The following MYO10 variants were observed in gnomAD, a reference collection of about 807,000 sequenced individuals.
MYO10 encodes myosin X.
Under a neutral mutation model 257.3 loss-of-function variants are expected in MYO10, and 133 were observed. That is an observed-to-expected ratio of 0.52 (90% CI 0.45 to 0.60). MYO10 has a LOEUF of 0.60. Among genes scored for constraint, MYO10 ranks in the 20% least tolerant of loss-of-function variants. The pLI is 0.00. For synonymous variants in MYO10, 1,104 were observed against 1,028.6 expected, an observed-to-expected ratio of 1.07 and a Z score of -1.40; for missense variants, 2,399 against 2,635.7, an observed-to-expected ratio of 0.91 and a Z score of 1.97.
intron 1 of MYO10, among the ~76,000 whole-genome samples, chr5:16,931,279 T>C (rs1253480329): frequency 6.6e-6 from 1 of 151,636 alleles, no homozygotes; most frequent in African/African-American, 2.4e-5. Flanking sequence ...CTCAAAACAA[T>C]AATAATAATA....
At chr5:16,842,328 C>T (rs1467092253) in intron 2 of MYO10, among the ~76,000 whole-genome samples, 1 of 152,118 alleles carries the variant, frequency 6.6e-6, no homozygotes, top group African/African-American at 2.4e-5. Context: ...AGAAGAGGTA[C>T]TGAGAGCCAG....
intron 19 of MYO10, among the ~76,000 whole-genome samples, chr5:16,720,264 G>T (rs886532132): frequency 6.6e-6 from 1 of 152,010 alleles, no homozygotes; most frequent in South Asian, 2.1e-4. Context: ...GCATCACACC[G>T]ACAGTAAGTC....
Position 16,866,249 on chromosome 5 carries a change from G to A in MYO10, c.120+11360C>T, listed in dbSNP as rs1463563141. 4.6e-5 allele frequency among the ~76,000 whole-genome samples: 7 copies of A among 152,152 alleles called. No individual in the cohort carries two copies. The East Asian group carries it at 1.3e-3, about 29-fold the overall frequency. On this transcript the variant is annotated intron_variant, in intron 2 of 40. Coordinates refer to ENST00000513610, the MANE Select transcript of MYO10 (RefSeq NM_012334.3). The stretch of plus-strand genomic sequence containing the variant: ...CTGTGAGCAAATGCACATACGCAAC[G>A]GCACCAGCGTTAAAGCTGGCAGACT...
intron 19 of MYO10, chr5:16,738,502 C>T: frequency 1.5e-6 from 1 of 669,098 alleles, no homozygotes; most frequent in Non-Finnish European, 1.8e-6. Flanking sequence ...TTCCTATTCG[C>T]CCTCACTTCT....
chr5:16,817,020 A>G (rs1408217156), intron 3 of MYO10, among the ~76,000 whole-genome samples: 1 of 149,948 alleles, frequency 6.7e-6, no homozygotes, highest in African/African-American at 2.5e-5. Flanking sequence ...GGATTTCACC[A>G]TGTTCGTCAG....
chr5:16,935,574 C>G (rs562819157), intron 1 of MYO10, among the ~76,000 whole-genome samples: 1 of 152,044 alleles, frequency 6.6e-6, no homozygotes, highest in Non-Finnish European at 1.5e-5. Context: ...CGCTACCTCC[C>G]GGAGCAAAAT....
chr5:16,802,482 C>T, intron 3 of MYO10, among the ~76,000 whole-genome samples: 1 of 150,794 alleles, frequency 6.6e-6, no homozygotes, highest in Non-Finnish European at 1.5e-5. Flanking sequence ...CAGGGTGAAA[C>T]CCCGTCTCTA....
At chr5:16,882,900 TATCAA>T (rs2126766499) in intron 1 of MYO10, among the ~76,000 whole-genome samples, 1 of 140,630 alleles carries the variant, frequency 7.1e-6, no homozygotes, top group Non-Finnish European at 1.5e-5. Flanking sequence ...AACTCAATAA[TATCAA>T]ATCATTTTTA....
chr5:16,887,634 G>T (rs1744930485), intron 1 of MYO10, among the ~76,000 whole-genome samples: 1 of 152,058 alleles, frequency 6.6e-6, no homozygotes, highest in African/African-American at 2.4e-5. Context: ...GGGGCTACAG[G>T]TGCGCACCAC....
chr5:16,862,745 G>T (rs1173730137), intron 2 of MYO10, among the ~76,000 whole-genome samples: 1 of 152,120 alleles, frequency 6.6e-6, no homozygotes, highest in African/African-American at 2.4e-5. Flanking sequence ...AAAAATACAA[G>T]ACAGTAGCCC....
intron 2 of MYO10, among the ~76,000 whole-genome samples, chr5:16,867,260 C>T (rs181039453): frequency 3.4e-4 from 52 of 152,306 alleles, no homozygotes; most frequent in Non-Finnish European, 6.2e-4. Flanking sequence ...CCCAATTCTT[C>T]CTAATAATTC....
Position 16,818,396 on chromosome 5 carries a change from G to GTATA in MYO10, c.121-230_121-229insTATA, listed in dbSNP as rs1329747245. ...TGTGTGTGTGCGTGTGTGTGTGTGT[G>GTATA]TGTGTGTGTGTGTGTATATATATAT... is the stretch of plus-strand genomic sequence containing the variant. On this transcript the variant is annotated intron_variant, in intron 2 of 40. Coordinates refer to ENST00000513610, the MANE Select transcript of MYO10 (RefSeq NM_012334.3). Among the ~76,000 whole-genome samples, 599 of 111,874 alleles carry GTATA rather than the reference G, an allele frequency of 5.4e-3. 5 individuals carry two copies. Among genetic ancestry groups the GTATA allele is most frequent in the Middle Eastern group, 0.016 (4 of 250 alleles). The allele number at this position is 111,874 out of a possible 152,430, so 73.4% of individuals were successfully genotyped here.
chr5:16,725,902 C>G (rs984790256), intron 19 of MYO10, among the ~76,000 whole-genome samples: 1 of 151,862 alleles, frequency 6.6e-6, no homozygotes, highest in Non-Finnish European at 1.5e-5. Context: ...AATCTCCTGC[C>G]TCAGCCTCCC....
chr5:16,822,546 C>G (rs996349665), intron 2 of MYO10, among the ~76,000 whole-genome samples: 1 of 152,192 alleles, frequency 6.6e-6, no homozygotes, highest in Middle Eastern at 3.4e-3. Flanking sequence ...CAGGGGCAGC[C>G]TGATGGATTA....
At chr5:16,766,784 T>TC (rs1160345714) in intron 10 of MYO10, among the ~76,000 whole-genome samples, 1 of 148,136 alleles carries the variant, frequency 6.8e-6, no homozygotes, top group Non-Finnish European at 1.5e-5. Context: ...TTTTTTTTTT[T>TC]TTTGAGATGG....
At chr5:16,753,396 T>C (rs1480471225) in intron 19 of MYO10, among the ~76,000 whole-genome samples, 3 of 151,890 alleles carry the variant, frequency 2.0e-5, no homozygotes, top group Non-Finnish European at 4.4e-5. Context: ...CTCCATCTCC[T>C]GACCTTGTGA....
At chr5:16,679,099 C>T (rs917862309) in intron 33 of MYO10, among the ~76,000 whole-genome samples, 2 of 152,166 alleles carry the variant, frequency 1.3e-5, no homozygotes, top group African/African-American at 4.8e-5. Context: ...GTAACATGCT[C>T]GGTGTTAATA....
rs1045648243 is a variant in MYO10, at chr5:16,747,618, A to T, written c.1929+7210T>A. Among the ~76,000 whole-genome samples the T allele has an allele frequency of 2.0e-5, 3 of 152,284 alleles. No homozygotes were observed. The East Asian group carries it at 5.8e-4, about 30-fold the overall frequency. ...CTTAGTAAAGCTAAAGAGAAACCAG[A>T]TGCATAAAAGAAGATAGAGGCTGGA... On this transcript the variant is annotated intron_variant, in intron 19 of 40. Transcript: ENST00000513610.
intron 1 of MYO10, among the ~76,000 whole-genome samples, chr5:16,929,116 C>A (rs1345780470): frequency 6.6e-6 from 1 of 151,604 alleles, no homozygotes; most frequent in Admixed American, 6.6e-5. Context: ...CCATGCCCGG[C>A]TCATTTTTTG....
Sources: allele counts gnomAD v4.1 joint callset (sites outside exome capture counted in the v4.1 genomes callset), GRCh38; gene constraint gnomAD v4.1.1; transcripts MANE v1.5; gene names NCBI Gene and HGNC (gene_info 2026-07-23, HGNC 2026-07-21).